AVEN: variants seen among roughly 807,000 people sequenced by gnomAD.
AVEN encodes the protein cell death regulator Aven.
AVEN carries 41 observed loss-of-function variants against 38.1 expected under a neutral mutation model. The ratio of observed to expected loss-of-function variants is 1.08; its 90% CI spans 0.84 to 1.40. AVEN has a LOEUF of 1.40. Among genes scored for constraint, AVEN ranks in the 40% most tolerant of loss-of-function variants. The probability of loss-of-function intolerance (pLI) is 0.00; values close to 1 mark genes in which losing one functional copy is unlikely to be tolerated. For missense variants in AVEN, 605 were observed against 438.8 expected (o/e 1.38, Z -3.38); for synonymous variants, 206 against 171.8 (o/e 1.20, Z -1.56).
At chr15:33,991,619 T>C (rs1327655011) in intron 2 of AVEN, 1 of 152,036 alleles carries the variant, frequency 6.6e-6, no homozygotes, top group African/African-American at 2.4e-5. Context: ...CACCCACATA[T>C]CCTTTTCTCA....
intron 2 of AVEN, among the ~76,000 whole-genome samples, chr15:33,933,609 GTC>G (rs1893957659): frequency 7.0e-6 from 1 of 143,666 alleles, no homozygotes; most frequent in African/African-American, 2.6e-5. Flanking sequence ...TGGAGCTCCA[GTC>G]TCTTTTTCTC....
downstream of AVEN, chr15:33,864,314 C>T (rs1362887245): frequency 9.6e-6 from 7 of 732,664 alleles, no homozygotes; most frequent in Non-Finnish European, 1.3e-5. Flanking sequence ...ATTTTCCCAT[C>T]ACCTTTTTGT....
rs920417901 is a variant in AVEN, at chr15:33,876,094, C to T, written c.446-99G>A. ...GAGCAAAAGTGCCATTTCTGAAGTG[C>T]TCAAACTCAAAGGGAGAGGCAAGGA... On this transcript the variant is annotated intron_variant, in intron 2 of 5. Coordinates refer to ENST00000306730, the MANE Select transcript of AVEN (RefSeq NM_020371.3). The T allele has an allele frequency of 3.1e-5, 33 of 1,077,618 alleles. 1 individual carries two copies. The South Asian group carries it at 4.5e-4, about 15-fold the overall frequency. 66.8% of individuals were successfully genotyped at this position (1,077,618 alleles called of 1,614,324 possible).
intron 2 of AVEN, among the ~76,000 whole-genome samples, chr15:33,963,796 CAAAAAAAA>C (rs57116335): frequency 1.4e-4 from 16 of 112,464 alleles, no homozygotes; most frequent in South Asian, 9.6e-4. Context: ...GACTCTGTCT[CAAAAAAAA>C]AAAAAAAAAG....
At chr15:33,924,291 AC>A (rs1893527106) in intron 2 of AVEN, among the ~76,000 whole-genome samples, 1 of 149,628 alleles carries the variant, frequency 6.7e-6, no homozygotes, top group South Asian at 2.1e-4. Context: ...AATCATTTGA[AC>A]CCCGGAGGTG....
At position 33,964,980 on chromosome 15, in the gene AVEN, C is replaced by T. The variant is rs145789539; in HGVS notation, c.445+38052G>A. 3.3e-5 allele frequency among the ~76,000 whole-genome samples: 5 copies of T among 152,278 alleles called. No homozygotes were observed. In the East Asian group the frequency reaches 9.6e-4, roughly 29 times the overall value. On this transcript the variant is annotated intron_variant, in intron 2 of 5. Coordinates refer to ENST00000306730, the MANE Select transcript of AVEN (RefSeq NM_020371.3). ...AACCACCTAGGCTGGGTTCATACCACAGTTCAACATCTTAATAACAGGGTA... is the reference window on the plus strand; with the variant it reads ...AACCACCTAGGCTGGGTTCATACCATAGTTCAACATCTTAATAACAGGGTA...
chr15:34,073,880 A>G (rs954830350), intron 1 of AVEN, among the ~76,000 whole-genome samples: 1 of 151,354 alleles, frequency 6.6e-6, no homozygotes, highest in Non-Finnish European at 1.5e-5. Flanking sequence ...GTCCTTTTCC[A>G]TGTCTGTTAC....
chr15:33,858,623 T>A (rs2079981793), downstream of AVEN: 1 of 43,416 alleles, frequency 2.3e-5, no homozygotes, highest in Non-Finnish European at 1.1e-4. Context: ...AGCACTTGAT[T>A]TATTTCAGCA....
intron 5 of AVEN, among the ~76,000 whole-genome samples, chr15:34,048,863 G>C (rs1282550842): frequency 1.3e-5 from 2 of 152,192 alleles, no homozygotes; most frequent in African/African-American, 2.4e-5. Context: ...TTGCTGTTTT[G>C]CATACCTGGT....
chr15:34,019,842 G>A (rs1282808416), intron 1 of AVEN, among the ~76,000 whole-genome samples: 1 of 152,074 alleles, frequency 6.6e-6, no homozygotes, highest in Admixed American at 6.5e-5. Flanking sequence ...GTCACCTAAC[G>A]ACATGTTTCT....
chr15:34,067,476 G>A (rs1399997197), intron 2 of AVEN: 1 of 152,192 alleles, frequency 6.6e-6, no homozygotes, highest in Non-Finnish European at 1.5e-5. Context: ...CCAATGCAGA[G>A]CATTTAAATA....
intron 2 of AVEN, among the ~76,000 whole-genome samples, chr15:33,985,436 T>C (rs938149040): frequency 6.0e-5 from 5 of 82,968 alleles, no homozygotes; most frequent in African/African-American, 2.6e-4. Flanking sequence ...AGTGTTCCTT[T>C]TTCAGTAAGA....
At chr15:33,949,430 T>A (rs771340731) in intron 2 of AVEN, among the ~76,000 whole-genome samples, 4 of 152,254 alleles carry the variant, frequency 2.6e-5, no homozygotes, top group African/African-American at 4.8e-5. Context: ...AAAGAAATTC[T>A]TAATGTTTGA....
In AVEN at chr15:33,929,150, C is replaced by G. The variant is rs146833772; in HGVS notation, c.446-53155G>C. Among the ~76,000 whole-genome samples the G allele has an allele frequency of 3.6e-3, 551 of 152,208 alleles. 3 individuals are homozygous for G. The highest frequency in any genetic ancestry group is 0.013 in the African/African-American group (534 of 41,502). The stretch of plus-strand genomic sequence containing the variant: ...GGAGTTGGAGAATGGGGTGCCTGAC[C>G]TAGAATACCAAACTATGTTCAATAT... On this transcript the variant is annotated intron_variant, in intron 2 of 5. Coordinates refer to ENST00000306730, the MANE Select transcript of AVEN (RefSeq NM_020371.3).
intron 1 of AVEN, among the ~76,000 whole-genome samples, chr15:34,018,946 T>C (rs1898083816): frequency 6.6e-6 from 1 of 152,112 alleles, no homozygotes; most frequent in African/African-American, 2.4e-5. Context: ...TTTACAATCC[T>C]TCAGCTAGAC....
At chr15:33,930,954 CAA>C (rs61006422) in intron 2 of AVEN, among the ~76,000 whole-genome samples, 114 of 111,808 alleles carry the variant, frequency 1.0e-3, no homozygotes, top group African/African-American at 2.0e-3. Context: ...GACTCTGTCT[CAA>C]AAAAAAAAAA....
intron 1 of AVEN, among the ~76,000 whole-genome samples, chr15:34,073,986 CTTCTTTTTTTTTTTTTTT>C (rs1900686422): frequency 8.9e-6 from 1 of 112,246 alleles, no homozygotes; most frequent in Non-Finnish European, 1.7e-5. Context: ...TTTTCTTCTT[CTTCTTTTTTTTTTTTTTT>C]TTTTTTTTTT....
At chr15:33,879,160 T>C (rs6495305) in intron 2 of AVEN, among the ~76,000 whole-genome samples, 14,945 of 150,876 alleles carry the variant, frequency 0.099, 1,033 homozygotes, top group African/African-American at 0.18. Flanking sequence ...CCCAAATGTC[T>C]AACAATGATA....
intron 2 of AVEN, chr15:33,991,949 A>G (rs1896742190): frequency 6.5e-6 from 1 of 152,720 alleles, no homozygotes; most frequent in African/African-American, 2.4e-5. Context: ...TCAGGGCAGG[A>G]AAATGATAGT....
Sources: allele counts gnomAD v4.1 joint callset (sites outside exome capture counted in the v4.1 genomes callset), GRCh38; gene constraint gnomAD v4.1.1; transcripts MANE v1.5; gene names NCBI Gene and HGNC (gene_info 2026-07-23, HGNC 2026-07-21).